The following LRRC53 variants were observed in gnomAD, a reference collection of about 807,000 sequenced individuals.
LRRC53 encodes leucine-rich repeat-containing protein 53.
Under a neutral mutation model 13.6 loss-of-function variants are expected in LRRC53, and 25 were observed. That is an observed-to-expected ratio of 1.83 (90% CI 1.34 to 2.56). The LOEUF is 2.56. LRRC53 is among the 30% of genes most tolerant of loss of function. The probability of loss-of-function intolerance (pLI) is 0.00; values close to 1 mark genes in which losing one functional copy is unlikely to be tolerated. For synonymous variants in LRRC53, 204 were observed against 109.8 expected (o/e 1.86, Z -5.37); for missense variants, 527 against 275.8 (o/e 1.91, Z -6.45).
chr1:74,499,666 C>T (rs974873813), intron 1 of LRRC53, among the ~76,000 whole-genome samples: 12 of 152,172 alleles, frequency 7.9e-5, no homozygotes, highest in African/African-American at 2.9e-4. Flanking sequence ...AATTTTTATA[C>T]TCAGCTTGTA....
chr1:74,522,128 A>G, the LRRC53 span, among the ~76,000 whole-genome samples: 2 of 152,164 alleles, frequency 1.3e-5, no homozygotes, highest in African/African-American at 4.8e-5. Flanking sequence ...TTTAAAAAAA[A>G]TCTGGTTCAG....
intron 1 of LRRC53, among the ~76,000 whole-genome samples, chr1:74,487,115 G>A (rs1432234663): frequency 6.6e-6 from 1 of 152,094 alleles, no homozygotes; most frequent in Non-Finnish European, 1.5e-5. Flanking sequence ...GACGTTAAGG[G>A]TTTTATTTTG....
chr1:74,502,444 T>C (rs1669680510), intron 1 of LRRC53, among the ~76,000 whole-genome samples: 1 of 152,324 alleles, frequency 6.6e-6, no homozygotes, highest in East Asian at 1.9e-4. Flanking sequence ...CATATAACTA[T>C]TTAGTAGAAA....
At chr1:74,503,274 A>G (rs1243619827) in intron 1 of LRRC53, among the ~76,000 whole-genome samples, 1 of 152,194 alleles carries the variant, frequency 6.6e-6, no homozygotes, top group Non-Finnish European at 1.5e-5. Flanking sequence ...CTTTTAGCTA[A>G]TTCTACTTAG....
At position 74,480,157 on chromosome 1, in the gene LRRC53, G is replaced by T; in HGVS notation, c.900C>A (p.Phe300Leu). The T allele has an allele frequency of 1.4e-6, 1 of 714,708 alleles. No homozygotes were observed. Among genetic ancestry groups the T allele is most frequent in the South Asian group, 1.5e-5 (1 of 67,332 alleles). The allele number at this position is 714,708 out of a possible 1,614,324, so 44.3% of individuals were successfully genotyped here. ...GCACACTTCTCCCCGGCATACCTGCGAAGCCAAGGACAGTCAGCAGGGCCA... is the reference window on the plus strand; with the variant it reads ...GCACACTTCTCCCCGGCATACCTGCTAAGCCAAGGACAGTCAGCAGGGCCA... Reference protein sequence around the residue: ...PDVALLTVLGFAGAVGLTCLG... With the variant: ...PDVALLTVLGLAGAVGLTCLG... Residue 300 changes from phenylalanine to leucine, a missense_variant, in exon 3 of 5, where the codon TTC (phenylalanine) becomes TTA (leucine). Coordinates refer to ENST00000294635, the MANE Select transcript of LRRC53 (RefSeq NM_001382280.1).
At position 74,469,567 on chromosome 1, in the gene LRRC53, T is replaced by G; in HGVS notation, c.*311A>C. 1.2e-5 allele frequency: 2 copies of G among 167,540 alleles called. No homozygotes were observed. 10.4% of individuals were successfully genotyped at this position (167,540 alleles called of 1,614,324 possible). On this transcript the variant is annotated 3_prime_UTR_variant, in exon 5 of 5. Coordinates refer to ENST00000294635, the MANE Select transcript of LRRC53 (RefSeq NM_001382280.1). Reference sequence around the variant, plus strand: ...AATACTCTTCTTATGTAGTTTTTCATTTGTTTAAGGCTTTTTTTTTTTCAA... The same window carrying G: ...AATACTCTTCTTATGTAGTTTTTCAGTTGTTTAAGGCTTTTTTTTTTTCAA...
chr1:74,501,606 C>A (rs1323372224), intron 1 of LRRC53, among the ~76,000 whole-genome samples: 1 of 152,128 alleles, frequency 6.6e-6, no homozygotes, highest in East Asian at 1.9e-4. Flanking sequence ...CCTGCCTCAG[C>A]CTCCCGAGTA....
rs1454888534 is a variant in LRRC53 at position 74,470,012 on chromosome 1, C to A, written c.3610G>T (p.Asp1204Tyr). ...EALSFLPGLK[D>Y]SFEAENEVFL... Reference sequence around the variant, plus strand: ...ACCTCATTTTCTGCCTCAAAACTGTCTTTTAACCCTGGTAAGAAGGAAAGC... The same window carrying A: ...ACCTCATTTTCTGCCTCAAAACTGTATTTTAACCCTGGTAAGAAGGAAAGC... Residue 1204 changes from aspartate (D) to tyrosine (Y), a missense_variant, in exon 5 of 5, where the codon GAC becomes TAC. Asp to Tyr is a radical substitution (Grantham distance 160). Coordinates refer to ENST00000294635, the MANE Select transcript of LRRC53 (RefSeq NM_001382280.1). The A allele has an allele frequency of 2.5e-6, 1 of 400,588 alleles. No homozygotes were observed. The highest frequency in any genetic ancestry group is 4.4e-5 in the Admixed American group (1 of 22,724). 24.8% of individuals were successfully genotyped at this position (400,588 alleles called of 1,614,324 possible).
chr1:74,482,715 G>A (rs1027691759), intron 2 of LRRC53, among the ~76,000 whole-genome samples: 1 of 152,148 alleles, frequency 6.6e-6, no homozygotes, highest in South Asian at 2.1e-4. Flanking sequence ...TTAATAAGGT[G>A]TCTTATTAAA....
At chr1:74,498,675 A>G (rs1220703813) in intron 1 of LRRC53, among the ~76,000 whole-genome samples, 1 of 152,140 alleles carries the variant, frequency 6.6e-6, no homozygotes. Context: ...GTTCAAATAT[A>G]TTCTCATCCA....
chr1:74,522,946 T>G, the LRRC53 span, among the ~76,000 whole-genome samples: 1 of 152,208 alleles, frequency 6.6e-6, no homozygotes, highest in Non-Finnish European at 1.5e-5. Flanking sequence ...CAAGCCCAAC[T>G]GCCCACTGGA....
chr1:74,504,984 G>C (rs973246484), intron 1 of LRRC53, among the ~76,000 whole-genome samples: 5 of 152,148 alleles, frequency 3.3e-5, no homozygotes, highest in African/African-American at 1.2e-4. Flanking sequence ...AGATTTCTCA[G>C]TTTTCAATTA....
intron 1 of LRRC53, among the ~76,000 whole-genome samples, chr1:74,492,538 A>G (rs531622070): frequency 6.6e-6 from 1 of 152,312 alleles, no homozygotes; most frequent in Admixed American, 6.5e-5. Flanking sequence ...TATTAAAAGT[A>G]TTCTGAAGCT....
the LRRC53 span, among the ~76,000 whole-genome samples, chr1:74,521,127 C>T: frequency 3.3e-5 from 5 of 152,152 alleles, no homozygotes; most frequent in African/African-American, 1.2e-4. Flanking sequence ...CTCTCCATCA[C>T]CACAGAAGTT....
the LRRC53 span, among the ~76,000 whole-genome samples, chr1:74,524,763 A>G: frequency 1.3e-5 from 2 of 151,912 alleles, no homozygotes; most frequent in African/African-American, 4.8e-5. Flanking sequence ...AAGTAAAAAA[A>G]AAAAATGAAA....
At chr1:74,526,073 T>C in the LRRC53 span, among the ~76,000 whole-genome samples, 3 of 152,242 alleles carry the variant, frequency 2.0e-5, no homozygotes, top group African/African-American at 7.2e-5. Context: ...ACAGTGCTTG[T>C]AATTTTGTAA....
intron 1 of LRRC53, among the ~76,000 whole-genome samples, chr1:74,510,977 T>C (rs1321713870): frequency 6.6e-6 from 1 of 152,162 alleles, no homozygotes; most frequent in African/African-American, 2.4e-5. Context: ...AACCTCTGCC[T>C]CCCAGGTTCA....
chr1:74,487,506 G>C (rs980008235), intron 1 of LRRC53, among the ~76,000 whole-genome samples: 1 of 152,172 alleles, frequency 6.6e-6, no homozygotes, highest in East Asian at 1.9e-4. Flanking sequence ...AGGCAGAATG[G>C]ATTCAATAAA....
chr1:74,473,113 T>A (rs574519799), intron 4 of LRRC53, among the ~76,000 whole-genome samples: 5 of 152,238 alleles, frequency 3.3e-5, no homozygotes, highest in African/African-American at 1.2e-4. Context: ...ACAAAAATAA[T>A]AGTAATACCA....
Sources: allele counts gnomAD v4.1 joint callset (sites outside exome capture counted in the v4.1 genomes callset), GRCh38; gene constraint gnomAD v4.1.1; transcripts MANE v1.5; gene names NCBI Gene and HGNC (gene_info 2026-07-23, HGNC 2026-07-21).